Variants in HELZ observed in about 807,000 individuals in gnomAD.
The protein encoded by HELZ is ATP-dependent RNA helicase with zinc finger domain.
Under a neutral mutation model 218.2 loss-of-function variants are expected in HELZ, and 23 were observed. That is an observed-to-expected ratio of 0.11 (90% CI 0.08 to 0.15). The LOEUF is 0.15. Ranked by LOEUF, HELZ falls within the 10% of genes least tolerant of loss-of-function variation. The pLI, the probability that HELZ is intolerant of heterozygous loss-of-function variation, is 1.00. For missense variants in HELZ, 1,813 were observed against 2,353.7 expected (o/e 0.77, Z 4.75); for synonymous variants, 814 against 829.4 (o/e 0.98, Z 0.32).
intron 15 of HELZ, among the ~76,000 whole-genome samples, chr17:67,164,780 G>GAA (rs2039092760): frequency 6.6e-6 from 1 of 152,154 alleles, no homozygotes; most frequent in Non-Finnish European, 1.5e-5. Flanking sequence ...GATACTGCTG[G>GAA]AAAGCACAGT....
intron 5 of HELZ, among the ~76,000 whole-genome samples, chr17:67,215,189 C>T (rs1286785382): frequency 1.3e-5 from 2 of 151,970 alleles, no homozygotes; most frequent in Non-Finnish European, 2.9e-5. Flanking sequence ...AAAGAGCATT[C>T]TAGCTAGTCT....
intron 3 of HELZ, among the ~76,000 whole-genome samples, chr17:67,234,165 A>T (rs1326553731): frequency 1.3e-5 from 2 of 151,826 alleles, no homozygotes; most frequent in Non-Finnish European, 2.9e-5. Flanking sequence ...TCTACAAAAA[A>T]TACAAAAATT....
intron 18 of HELZ, 145 bp from the exon 19 acceptor site, chr17:67,150,130 C>CTTTTTTTTTTTTTTTTTTTTTTT (rs11408678): frequency 3.1e-4 from 56 of 180,098 alleles, no homozygotes; most frequent in East Asian, 4.6e-4. Context: ...TATTTTCTTT[C>CTTTTTTTTTTTTTTTTTTTTTTT]TTTTTTTTTT....
intron 21 of HELZ, among the ~76,000 whole-genome samples, chr17:67,141,417 T>C (rs1434422619): frequency 6.6e-6 from 1 of 151,722 alleles, no homozygotes; most frequent in Non-Finnish European, 1.5e-5. Flanking sequence ...TCTTAGAATT[T>C]TTAAAAAACA....
At chr17:67,220,849 TCC>T (rs574120008) in intron 3 of HELZ, among the ~76,000 whole-genome samples, 2 of 114,416 alleles carry the variant, frequency 1.7e-5, no homozygotes, top group Non-Finnish European at 3.6e-5. Flanking sequence ...TTAAGATAAC[TCC>T]CCCCCCCCCA....
chr17:67,103,535 AAAG>A (rs900658992), intron 31 of HELZ, among the ~76,000 whole-genome samples: 3 of 152,232 alleles, frequency 2.0e-5, no homozygotes, highest in Non-Finnish European at 2.9e-5. Flanking sequence ...AAATTTAACA[AAAG>A]AAGTGCAAGA....
chr17:67,179,883 T>C (rs2039560261), intron 12 of HELZ: 2 of 152,228 alleles, frequency 1.3e-5, no homozygotes, highest in South Asian at 2.1e-4. Context: ...GTCTCCAAAG[T>C]ACAAATTATC....
At chr17:67,216,970 G>A (rs914240206) in intron 4 of HELZ, among the ~76,000 whole-genome samples, 22 of 151,970 alleles carry the variant, frequency 1.4e-4, no homozygotes, top group Non-Finnish European at 5.9e-5. Flanking sequence ...CTCAGTCCTC[G>A]CCTCTTCTCT....
At chr17:67,165,004 C>T (rs1485809240) in intron 15 of HELZ, among the ~76,000 whole-genome samples, 1 of 152,160 alleles carries the variant, frequency 6.6e-6, no homozygotes, top group Non-Finnish European at 1.5e-5. Flanking sequence ...GGTCTAAAAG[C>T]AGCACTGGCT....
chr17:67,235,168 G>A (rs1202169499), intron 3 of HELZ, among the ~76,000 whole-genome samples: 1 of 152,050 alleles, frequency 6.6e-6, no homozygotes, highest in African/African-American at 2.4e-5. Context: ...AGTTAAAGAT[G>A]GCCTAGACAG....
chr17:67,081,655 C>T (rs1046430239), intron 32 of HELZ, among the ~76,000 whole-genome samples: 2 of 82,888 alleles, frequency 2.4e-5, no homozygotes, highest in Non-Finnish European at 6.1e-5. Flanking sequence ...TGGCACTCTG[C>T]TTCTTGATGG....
chr17:67,238,137 A>G (rs558910577), intron 3 of HELZ, among the ~76,000 whole-genome samples: 1 of 151,822 alleles, frequency 6.6e-6, no homozygotes, highest in Admixed American at 6.6e-5. Flanking sequence ...TGAGGTCAGG[A>G]GTTTGAGACC....
In HELZ at chr17:67,136,078, T is replaced by G; in HGVS notation, c.3074A>C (p.Tyr1025Ser). The change falls in exon 23 of 33, where the codon TAT (tyrosine) becomes TCT (serine). Residue 1025 changes from tyrosine to serine, a missense_variant. Tyr to Ser is a moderately radical substitution (Grantham distance 144). Around this residue, in one of 4 missense-constraint regions of HELZ, gnomAD observed 156 missense variants for 274.4 expected, o/e 0.57. Transcript: ENST00000358691. ...LLEDSTEDLDYGFLSNYKLLN... is the reference protein window; with the variant it reads ...LLEDSTEDLDSGFLSNYKLLN... ...AAGCTTGTAGTTAGATAAAAAACCA[T>G]AATCTAAGTCCTCTGTGGAATCTTC... 6.2e-7 allele frequency: 1 copy of G among 1,613,930 alleles called. No individual in the cohort carries two copies. The highest frequency in any genetic ancestry group is 8.5e-7 in the Non-Finnish European group (1 of 1,179,866).
chr17:67,089,666 TATAGAGAGAGAG>T (rs1408380023), intron 31 of HELZ, among the ~76,000 whole-genome samples: 1 of 54,814 alleles, frequency 1.8e-5, no homozygotes, highest in Non-Finnish European at 3.5e-5. Flanking sequence ...TATATATATA[TATAGAGAGAGAG>T]AGAGAGAGAG....
chr17:67,135,646 AGTAAGCCCCACCAATAAAAT>A (rs2038126361), intron 23 of HELZ, among the ~76,000 whole-genome samples: 1 of 152,214 alleles, frequency 6.6e-6, no homozygotes, highest in South Asian at 2.1e-4. Context: ...ACCAGTAAAA[AGTAAGCCCCACCAATAAAAT>A]GTAAGCCCCA....
intron 13 of HELZ, 61 bp downstream of exon 13, chr17:67,178,598 G>A: frequency 7.3e-7 from 1 of 1,370,898 alleles, no homozygotes; most frequent in Non-Finnish European, 1.0e-6. Context: ...TCATTTTAAA[G>A]ATTAGAAATA....
At chr17:67,183,035 A>C (rs532738453) in intron 12 of HELZ, among the ~76,000 whole-genome samples, 1 of 152,352 alleles carries the variant, frequency 6.6e-6, no homozygotes, top group East Asian at 1.9e-4. Context: ...AATTTATTAA[A>C]ACCTGCTATA....
chr17:67,102,088 G>C (rs1466201618), intron 31 of HELZ, among the ~76,000 whole-genome samples: 1 of 152,186 alleles, frequency 6.6e-6, no homozygotes, highest in African/African-American at 2.4e-5. Flanking sequence ...CTGCGTTTGA[G>C]GTGGGGAAGG....
At chr17:67,118,561 A>G (rs1183117808) in intron 27 of HELZ, among the ~76,000 whole-genome samples, 1 of 152,064 alleles carries the variant, frequency 6.6e-6, no homozygotes, top group Non-Finnish European at 1.5e-5. Flanking sequence ...TACTGTTAAG[A>G]AAATGAAAGC....
Sources: gnomAD v4.1 joint callset for allele counts (sites outside exome capture counted in the v4.1 genomes callset) on GRCh38, gnomAD v4.1.1 for gene constraint, gnomAD v4.1.1 regional missense constraint, MANE v1.5 for transcripts, NCBI Gene and HGNC (gene_info 2026-07-23, HGNC 2026-07-21) for gene names.